The following DCP1A variants were observed in gnomAD, a reference collection of about 807,000 sequenced individuals.
The protein encoded by DCP1A is mRNA-decapping enzyme 1A.
A neutral mutation model predicts 58.0 loss-of-function variants in DCP1A; 20 were observed. The observed-to-expected ratio is 0.34, with a 90% CI of 0.24 to 0.50. The LOEUF (loss-of-function observed/expected upper bound fraction) is 0.50. Ranked by LOEUF, DCP1A falls within the 20% of genes least tolerant of loss-of-function variation. The pLI is 0.98. For synonymous variants in DCP1A, 285 were observed against 275.1 expected (o/e 1.04, Z -0.36); for missense variants, 613 against 712.2 (o/e 0.86, Z 1.59).
chr3:53,322,829 T>TG (rs1312642119), intron 3 of DCP1A, among the ~76,000 whole-genome samples: 1 of 150,744 alleles, frequency 6.6e-6, no homozygotes, highest in African/African-American at 2.4e-5. Context: ...TTTTTTTTTT[T>TG]GAGAGATGGA....
chr3:53,345,036 C>A (rs1185941983), intron 1 of DCP1A, 94 bp from the exon 2 acceptor site: 6 of 957,246 alleles, frequency 6.3e-6, no homozygotes, highest in African/African-American at 3.3e-5. Flanking sequence ...TTAAGATCAA[C>A]TTGTTTCATT....
chr3:53,332,944 T>C (rs1377871251), intron 3 of DCP1A: 1 of 152,146 alleles, frequency 6.6e-6, no homozygotes, highest in Non-Finnish European at 1.5e-5. Context: ...CCTATTTTCC[T>C]CCCTAAATTC....
At chr3:53,329,804 C>T (rs1176141237) in intron 3 of DCP1A, among the ~76,000 whole-genome samples, 2 of 152,184 alleles carry the variant, frequency 1.3e-5, no homozygotes, top group Non-Finnish European at 2.9e-5. Flanking sequence ...GTGGGAGATA[C>T]ATGCCTTAGG....
chr3:53,319,246 T>C (rs1302965090), intron 4 of DCP1A, among the ~76,000 whole-genome samples, 161 bp downstream of exon 4: 3 of 152,170 alleles, frequency 2.0e-5, no homozygotes, highest in African/African-American at 7.2e-5. Context: ...ATAATAATTA[T>C]ATATATTTTA....
Position 53,292,237 on chromosome 3 carries a change from G to A in DCP1A, c.1215C>T (p.Asp405=), listed in dbSNP as rs371247382. 2.7e-5 allele frequency: 43 copies of A among 1,614,014 alleles called. No individual in the cohort carries two copies. In the African/African-American group the frequency reaches 4.0e-4, roughly 15 times the overall value. ...TCCCAAGTGGTTGTGTCTGTATTTG[G>A]TCATGCTGTGGGGTCAACCTGAGTT... is the stretch of plus-strand genomic sequence containing the variant. The part of the protein sequence containing the change: ...LQKLRLTPQH[D]QIQTQPLGKG... Residue 405 remains aspartate (D), a synonymous_variant, in exon 7 of 10, where the codon GAC becomes GAT. Transcript: ENST00000610213.
chr3:53,316,667 CTCCTGGCCTTAAGCAA>C (rs1347164268), intron 4 of DCP1A, among the ~76,000 whole-genome samples: 4 of 142,384 alleles, frequency 2.8e-5, no homozygotes, highest in Non-Finnish European at 4.5e-5. Flanking sequence ...TGGTCTTGAA[CTCCTGGCCTTAAGCAA>C]TCCTCCCCGC....
rs75945246 is a variant in DCP1A, at chr3:53,295,023, G to T, written c.625-2196C>A. On this transcript the variant is annotated intron_variant, in intron 6 of 9. Transcript: ENST00000610213. ...CCAAAGTTCTTTCGGGGAGTAGGGG[G>T]AAGTCAGTATGAGGAGAGGGAGCTT... is the stretch of plus-strand genomic sequence containing the variant. Among the ~76,000 whole-genome samples the T allele has an allele frequency of 0.013, 2,030 of 152,286 alleles. 118 individuals are homozygous for T. In the South Asian group the frequency reaches 0.14, roughly 11 times the overall value.
At chr3:53,321,592 G>A (rs375142851) in intron 3 of DCP1A, among the ~76,000 whole-genome samples, 1 of 152,112 alleles carries the variant, frequency 6.6e-6, no homozygotes, top group African/African-American at 2.4e-5. Flanking sequence ...GGTAGCGCAT[G>A]CCCGTAATCC....
chr3:53,295,577 G>T (rs1321284717), intron 6 of DCP1A, among the ~76,000 whole-genome samples: 1 of 152,070 alleles, frequency 6.6e-6, no homozygotes, highest in East Asian at 1.9e-4. Flanking sequence ...TTGAGACAGG[G>T]TCTCATTCAG....
At chr3:53,328,414 AAAAG>A (rs1553690897) in intron 3 of DCP1A, among the ~76,000 whole-genome samples, 1 of 152,216 alleles carries the variant, frequency 6.6e-6, no homozygotes, top group East Asian at 1.9e-4. Flanking sequence ...GTGAGTTCTC[AAAAG>A]AAAAAACATT....
At chr3:53,327,728 T>C (rs960032221) in intron 3 of DCP1A, among the ~76,000 whole-genome samples, 1 of 146,750 alleles carries the variant, frequency 6.8e-6, no homozygotes, top group East Asian at 2.0e-4. Flanking sequence ...GAGGCAGAGG[T>C]TGCGGTGAGC....
At chr3:53,288,666 T>A (rs1045503037) in intron 8 of DCP1A, among the ~76,000 whole-genome samples, 5 of 152,186 alleles carry the variant, frequency 3.3e-5, no homozygotes, top group Non-Finnish European at 7.4e-5. Context: ...GGGAACTTTC[T>A]GGAGTGACAA....
At chr3:53,294,289 T>C (rs1480653654) in intron 6 of DCP1A, among the ~76,000 whole-genome samples, 2 of 152,200 alleles carry the variant, frequency 1.3e-5, no homozygotes, top group East Asian at 3.9e-4. Context: ...TGGACTAAGA[T>C]ACTGGCAGAG....
chr3:53,291,213 A>G (rs1706856476), intron 7 of DCP1A, among the ~76,000 whole-genome samples: 2 of 152,276 alleles, frequency 1.3e-5, no homozygotes, highest in South Asian at 4.1e-4. Context: ...TTGTGGGTAT[A>G]TAGGTGTATG....
chr3:53,322,956 C>A (rs537960255), intron 3 of DCP1A, among the ~76,000 whole-genome samples: 1 of 151,588 alleles, frequency 6.6e-6, no homozygotes, highest in Non-Finnish European at 1.5e-5. Flanking sequence ...TACAGGCGCC[C>A]GGGGATTACA....
In DCP1A at chr3:53,292,359, G is replaced by A. The variant is rs1158506776; in HGVS notation, c.1093C>T (p.His365Tyr). Reference protein sequence around the residue: ...LLNQPVPELSHASLIANQSPF... With the variant: ...LLNQPVPELSYASLIANQSPF... ...CTCTGGTTGGCAATCAGACTGGCAT[G>A]GCTTAGCTCAGGGACTGGCTGGTTC... Residue 365 changes from histidine to tyrosine, a missense_variant, in exon 7 of 10, where the codon CAT (histidine) becomes TAT (tyrosine). His to Tyr is a moderately conservative substitution (Grantham distance 83, BLOSUM62 2). Coordinates refer to ENST00000610213, the MANE Select transcript of DCP1A (RefSeq NM_018403.7). The A allele has an allele frequency of 2.5e-6, 4 of 1,612,978 alleles. No individual in the cohort carries two copies. In the Admixed American group the frequency reaches 6.7e-5, roughly 27 times the overall value.
intron 3 of DCP1A, among the ~76,000 whole-genome samples, chr3:53,337,608 A>C (rs1553692082): frequency 6.6e-6 from 1 of 152,244 alleles, no homozygotes; most frequent in Non-Finnish European, 1.5e-5. Context: ...TGCCAAAAGA[A>C]TGTTACCATG....
intron 5 of DCP1A, among the ~76,000 whole-genome samples, chr3:53,309,575 C>T (rs1270736344): frequency 3.3e-5 from 5 of 152,090 alleles, no homozygotes; most frequent in Non-Finnish European, 7.4e-5. Flanking sequence ...TCAGCCAGGG[C>T]AACATAGTGA....
rs149844181 is a variant in DCP1A, at chr3:53,346,295, T to C, written c.135+1088A>G. Among the ~76,000 whole-genome samples the C allele has an allele frequency of 1.2e-4, 18 of 152,362 alleles. No individual in the cohort carries two copies. The East Asian group carries it at 3.5e-3, about 29-fold the overall frequency. On this transcript the variant is annotated intron_variant, in intron 1 of 9. Coordinates refer to ENST00000610213, the MANE Select transcript of DCP1A (RefSeq NM_018403.7). ...GAGGCAAAGATAAACAACGTGATTA[T>C]AAAAACTCTTCATCTGAATTAACTG...
Sources: gnomAD v4.1 joint callset for allele counts (sites outside exome capture counted in the v4.1 genomes callset) on GRCh38, gnomAD v4.1.1 for gene constraint, MANE v1.5 for transcripts, NCBI Gene and HGNC (gene_info 2026-07-23, HGNC 2026-07-21) for gene names.